The following PARD3 variants were observed in gnomAD, a reference collection of about 807,000 sequenced individuals.
PARD3 encodes partitioning defective 3 homolog.
In PARD3, 75 loss-of-function variants were observed where a neutral mutation model predicts 155.4. That is an observed-to-expected ratio of 0.48 (90% CI 0.40 to 0.58). The LOEUF (loss-of-function observed/expected upper bound fraction) is 0.58. Among genes scored for constraint, PARD3 ranks in the 20% least tolerant of loss-of-function variants. The probability of loss-of-function intolerance (pLI) is 0.00; values close to 1 mark genes in which losing one functional copy is unlikely to be tolerated. For synonymous variants in PARD3, 576 were observed against 610.5 expected (o/e 0.94, Z 0.83); for missense variants, 1,642 against 1,721.7 (o/e 0.95, Z 0.82).
At chr10:34,207,809 C>A (rs537058335) in intron 22 of PARD3, among the ~76,000 whole-genome samples, 1 of 152,118 alleles carries the variant, frequency 6.6e-6, no homozygotes. Context: ...TTTAAGGTGA[C>A]ACAATTTTCT....
intron 2 of PARD3, among the ~76,000 whole-genome samples, chr10:34,548,833 G>A (rs2084315564): frequency 6.6e-6 from 1 of 151,410 alleles, no homozygotes; most frequent in South Asian, 2.1e-4. Flanking sequence ...TCTTTCTTTG[G>A]TCTCTATCAC....
At position 34,125,765 on chromosome 10, in the gene PARD3, A is replaced by G. The variant is rs1005645461; in HGVS notation, c.3540+5698T>C. Among the ~76,000 whole-genome samples, 6 of 152,368 alleles carry G rather than the reference A, an allele frequency of 3.9e-5. No homozygotes were observed. The East Asian group carries it at 5.8e-4, about 15-fold the overall frequency. On this transcript the variant is annotated intron_variant, in intron 23 of 24. Transcript: ENST00000374788. ...AGGGAGAAGAGGATATTCACATTGC[A>G]GAGTATCAATTTTCTACCTGAAGGA... is the stretch of plus-strand genomic sequence containing the variant.
In PARD3 at chr10:34,779,392, C is replaced by T. The variant is rs112293153; in HGVS notation, c.120+35484G>A. Among the ~76,000 whole-genome samples, 829 of 152,088 alleles carry T rather than the reference C, an allele frequency of 5.5e-3. 7 individuals carry two copies. The highest frequency in any genetic ancestry group is 0.019 in the African/African-American group (786 of 41,460). ...TGGGAGGCCGAGGCCCAGCAGATCA[C>T]GACATCAGGCGATCGAGACCATCCT... On this transcript the variant is annotated intron_variant, in intron 1 of 24. Transcript: ENST00000374788.
intron 22 of PARD3, among the ~76,000 whole-genome samples, chr10:34,217,738 T>C (rs1490349440): frequency 2.0e-5 from 3 of 152,192 alleles, no homozygotes; most frequent in African/African-American, 7.2e-5. Context: ...GGGATATTTA[T>C]TCAGTTCATA....
At chr10:34,289,766 G>A (rs1443592860) in intron 20 of PARD3, among the ~76,000 whole-genome samples, 1 of 152,118 alleles carries the variant, frequency 6.6e-6, no homozygotes, top group Non-Finnish European at 1.5e-5. Flanking sequence ...TTCAGCTAAC[G>A]TAATCTCAAA....
chr10:34,189,626 G>A (rs1950620552), intron 22 of PARD3, among the ~76,000 whole-genome samples: 1 of 152,198 alleles, frequency 6.6e-6, no homozygotes, highest in Non-Finnish European at 1.5e-5. Context: ...AGTCTGTTAT[G>A]AGAAGGCAAG....
chr10:34,204,409 G>T (rs11009677), intron 22 of PARD3, among the ~76,000 whole-genome samples: 2,332 of 152,288 alleles, frequency 0.015, 19 homozygotes, highest in Middle Eastern at 0.068. Flanking sequence ...GTGTTGGCAG[G>T]CTGGGTAGGA....
chr10:34,291,295 A>C (rs1295305845), intron 20 of PARD3, among the ~76,000 whole-genome samples: 1 of 152,228 alleles, frequency 6.6e-6, no homozygotes, highest in Non-Finnish European at 1.5e-5. Context: ...TCCCACTGCA[A>C]GCTAGGACAA....
At chr10:34,457,354 G>A (rs551529841) in intron 4 of PARD3, among the ~76,000 whole-genome samples, 18 of 152,300 alleles carry the variant, frequency 1.2e-4, no homozygotes, top group African/African-American at 3.4e-4. Context: ...CAGGATGCTC[G>A]TTTGAACCAA....
Position 34,709,139 on chromosome 10 carries a change from C to T in PARD3, c.121-12720G>A, listed in dbSNP as rs911062109. On this transcript the variant is annotated intron_variant, in intron 1 of 24. Coordinates refer to ENST00000374788, the MANE Select transcript of PARD3 (RefSeq NM_001184785.2). ...TTTTTTTCAGATTTTGGAATATTTA[C>T]ATGCACATGAGATTTCTCGAAGATG... 2.0e-5 allele frequency among the ~76,000 whole-genome samples: 3 copies of T among 152,218 alleles called. No homozygotes were observed. The East Asian group carries it at 5.8e-4, about 29-fold the overall frequency.
At chr10:34,290,697 T>C (rs915020978) in intron 20 of PARD3, among the ~76,000 whole-genome samples, 6 of 152,222 alleles carry the variant, frequency 3.9e-5, no homozygotes, top group Non-Finnish European at 7.3e-5. Flanking sequence ...CAGGAATTCA[T>C]TTTTTCTTTC....
chr10:34,357,568 T>C (rs539512722), intron 14 of PARD3, among the ~76,000 whole-genome samples: 1 of 152,326 alleles, frequency 6.6e-6, no homozygotes, highest in African/African-American at 2.4e-5. Context: ...AAAGATCAGC[T>C]AATGATTTTG....
At chr10:34,647,744 C>G (rs910158725) in intron 2 of PARD3, among the ~76,000 whole-genome samples, 1 of 152,212 alleles carries the variant, frequency 6.6e-6, no homozygotes. Context: ...TCTATCTTCT[C>G]ATCCATATTT....
At chr10:34,570,449 C>A (rs2086299408) in intron 2 of PARD3, among the ~76,000 whole-genome samples, 1 of 152,108 alleles carries the variant, frequency 6.6e-6, no homozygotes, top group Admixed American at 6.5e-5. Context: ...TTCTGGGATT[C>A]CATGAAAGAT....
chr10:34,648,182 G>A (rs1015587360), intron 2 of PARD3, among the ~76,000 whole-genome samples: 6 of 152,200 alleles, frequency 3.9e-5, no homozygotes, highest in African/African-American at 1.2e-4. Flanking sequence ...AACCCCAGAT[G>A]CAAACCTATA....
chr10:34,576,712 A>AGCTT (rs2086915876), intron 2 of PARD3, among the ~76,000 whole-genome samples: 1 of 152,170 alleles, frequency 6.6e-6, no homozygotes, highest in African/African-American at 2.4e-5. Context: ...AACAGTCTCC[A>AGCTT]ACCCAAAGAT....
At chr10:34,544,021 G>C (rs1055753425) in intron 2 of PARD3, among the ~76,000 whole-genome samples, 1 of 152,082 alleles carries the variant, frequency 6.6e-6, no homozygotes, top group African/African-American at 2.4e-5. Context: ...AACAAGACTT[G>C]GTTGACAATT....
At chr10:34,150,746 A>C (rs1452154534) in intron 22 of PARD3, among the ~76,000 whole-genome samples, 1 of 152,192 alleles carries the variant, frequency 6.6e-6, no homozygotes, top group Non-Finnish European at 1.5e-5. Context: ...CTGCCAATCC[A>C]ATTACTTCTA....
At chr10:34,272,392 A>AT (rs1434190742) in intron 21 of PARD3, among the ~76,000 whole-genome samples, 4 of 152,164 alleles carry the variant, frequency 2.6e-5, no homozygotes, top group Admixed American at 6.6e-5. Context: ...AGAAAAAAAT[A>AT]TTTGCAAGGC....
Sources: allele counts gnomAD v4.1 joint callset (sites outside exome capture counted in the v4.1 genomes callset), GRCh38; gene constraint gnomAD v4.1.1; transcripts MANE v1.5; gene names NCBI Gene and HGNC (gene_info 2026-07-23, HGNC 2026-07-21).